Variants in FAM20B observed in about 807,000 individuals in gnomAD.
FAM20B encodes glycosaminoglycan xylosylkinase.
A neutral mutation model predicts 43.8 loss-of-function variants in FAM20B; 23 were observed. That is an observed-to-expected ratio of 0.53 (90% CI 0.38 to 0.74). The LOEUF is 0.74. Among genes scored for constraint, FAM20B ranks in the 30% least tolerant of loss-of-function variants. The pLI is 0.00. For missense variants in FAM20B, 440 were observed against 510.5 expected, an observed-to-expected ratio of 0.86 and a Z score of 1.33; for synonymous variants, 178 against 192.4, an observed-to-expected ratio of 0.93 and a Z score of 0.62.
chr1:179,040,531 C>T (rs183123509), intron 1 of FAM20B, among the ~76,000 whole-genome samples: 16,847 of 118,950 alleles, frequency 0.14, 2,251 homozygotes, highest in East Asian at 0.3. Flanking sequence ...GCTGGCCGGG[C>T]GGGGGGCTGA....
chr1:179,028,901 A>G (rs186865142), intron 1 of FAM20B, among the ~76,000 whole-genome samples: 145 of 150,880 alleles, frequency 9.6e-4, no homozygotes, highest in African/African-American at 3.5e-3. Context: ...TTGTCAAAAG[A>G]AAAAAAAAGC....
intron 4 of FAM20B, among the ~76,000 whole-genome samples, chr1:179,061,658 C>G (rs949113837): frequency 6.6e-6 from 1 of 152,186 alleles, no homozygotes; most frequent in Non-Finnish European, 1.5e-5. Flanking sequence ...ATCCTTCTCC[C>G]TTGGCCTCCC....
At chr1:179,029,922 CTA>C (rs1649937648) in intron 1 of FAM20B, among the ~76,000 whole-genome samples, 1 of 152,144 alleles carries the variant, frequency 6.6e-6, no homozygotes, top group Non-Finnish European at 1.5e-5. Context: ...TTGAGTGAGG[CTA>C]TGAGATGATC....
intron 1 of FAM20B, among the ~76,000 whole-genome samples, chr1:179,028,698 A>G (rs1041455351): frequency 6.6e-6 from 1 of 152,266 alleles, no homozygotes; most frequent in Non-Finnish European, 1.5e-5. Context: ...GAACACAGTT[A>G]CAATGAGGCC....
At chr1:179,071,842 C>A in intron 7 of FAM20B, 71 bp from the exon 8 acceptor site, 3 of 1,068,456 alleles carry the variant, frequency 2.8e-6, no homozygotes, top group Admixed American at 1.9e-5. Flanking sequence ...CTTTTGTCTG[C>A]CTAGCAGGCT....
intron 3 of FAM20B, among the ~76,000 whole-genome samples, 169 bp from the exon 4 acceptor site, chr1:179,054,360 C>T (rs1364861118): frequency 1.3e-5 from 2 of 152,086 alleles, no homozygotes; most frequent in East Asian, 1.9e-4. Flanking sequence ...ATAAATTATA[C>T]ACACCTTCAC....
chr1:179,054,240 CA>C (rs1203133390), intron 3 of FAM20B, among the ~76,000 whole-genome samples: 2 of 151,334 alleles, frequency 1.3e-5, no homozygotes, highest in East Asian at 1.9e-4. Flanking sequence ...TTCTATCATA[CA>C]AAAGTAGAAA....
intron 1 of FAM20B, among the ~76,000 whole-genome samples, chr1:179,039,333 C>G (rs910087085): frequency 6.6e-6 from 1 of 152,124 alleles, no homozygotes; most frequent in Non-Finnish European, 1.5e-5. Context: ...GTATTTGGAG[C>G]CTTTTAACTT....
intron 1 of FAM20B, among the ~76,000 whole-genome samples, chr1:179,042,066 C>T (rs1650572865): frequency 6.6e-6 from 1 of 152,170 alleles, no homozygotes; most frequent in African/African-American, 2.4e-5. Context: ...GTCACAGGAT[C>T]CTTGGGGTGT....
intron 1 of FAM20B, chr1:179,035,552 CT>C: frequency 1.5e-6 from 1 of 647,988 alleles, no homozygotes; most frequent in Non-Finnish European, 2.9e-6. Flanking sequence ...TCTTAATGGC[CT>C]TGTCCTTAGG....
chr1:179,025,893 T>G (rs995557501), upstream of FAM20B: 537 of 20,888 alleles, frequency 0.026, no homozygotes, highest in Middle Eastern at 0.062. Context: ...GGCGGGGGGG[T>G]GGGTGTGGGA....
At chr1:179,049,944 C>T (rs985514710) in intron 2 of FAM20B, among the ~76,000 whole-genome samples, 3 of 152,196 alleles carry the variant, frequency 2.0e-5, no homozygotes, top group Non-Finnish European at 4.4e-5. Flanking sequence ...TAACACTGTG[C>T]TGGCAATACA....
At chr1:179,057,875 G>A (rs563515916) in intron 4 of FAM20B, among the ~76,000 whole-genome samples, 1 of 152,174 alleles carries the variant, frequency 6.6e-6, no homozygotes, top group South Asian at 2.1e-4. Flanking sequence ...ATGGCCAGGT[G>A]ATAATTCGTG....
chr1:179,039,527 C>T (rs1475711395), intron 1 of FAM20B, among the ~76,000 whole-genome samples: 4 of 152,078 alleles, frequency 2.6e-5, no homozygotes, highest in Non-Finnish European at 5.9e-5. Context: ...ATTTTTTTCC[C>T]TTTACTTAAT....
Position 179,029,727 on chromosome 1 carries a change from C to T in FAM20B, c.-134+3629C>T, listed in dbSNP as rs529631977. The stretch of plus-strand genomic sequence containing the variant: ...GGACAGAACCAAGTACAGAGGGAGG[C>T]AGTGAAGTCTATCATTCCATGCTCT... On this transcript the variant is annotated intron_variant, in intron 1 of 7. Coordinates refer to ENST00000263733, the MANE Select transcript of FAM20B (RefSeq NM_014864.4). Among the ~76,000 whole-genome samples, 5 of 152,288 alleles carry T rather than the reference C, an allele frequency of 3.3e-5. No homozygotes were observed. In the South Asian group the frequency reaches 1.0e-3, roughly 32 times the overall value.
chr1:179,051,027 C>G (rs1261593719), intron 3 of FAM20B, among the ~76,000 whole-genome samples: 1 of 151,258 alleles, frequency 6.6e-6, no homozygotes, highest in Non-Finnish European at 1.5e-5. Context: ...GAGGCTGAGG[C>G]AGGAGAATCG....
chr1:179,029,466 A>T (rs1649920144), intron 1 of FAM20B, among the ~76,000 whole-genome samples: 1 of 152,264 alleles, frequency 6.6e-6, no homozygotes, highest in African/African-American at 2.4e-5. Context: ...CTTACCAAAA[A>T]CAAAAGAAGA....
intron 1 of FAM20B, among the ~76,000 whole-genome samples, chr1:179,040,831 G>A (rs1650476770): frequency 6.6e-6 from 1 of 151,816 alleles, no homozygotes; most frequent in Non-Finnish European, 1.5e-5. Context: ...GGTGGCTGCT[G>A]GGCGGAGGGG....
intron 6 of FAM20B, 121 bp downstream of exon 6, chr1:179,064,617 C>T (rs1651615778): frequency 2.7e-6 from 2 of 741,856 alleles, no homozygotes; most frequent in Non-Finnish European, 4.3e-6. Flanking sequence ...TTCTTTTTTC[C>T]ACTTGGAGTC....
Sources: allele counts gnomAD v4.1 joint callset (sites outside exome capture counted in the v4.1 genomes callset), GRCh38; gene constraint gnomAD v4.1.1; transcripts MANE v1.5; gene names NCBI Gene and HGNC (gene_info 2026-07-23, HGNC 2026-07-21).